USP38: variants seen among roughly 807,000 people sequenced by gnomAD.
USP38 encodes the protein ubiquitin carboxyl-terminal hydrolase 38.
USP38 carries 49 observed loss-of-function variants against 94.3 expected under a neutral mutation model. That is an observed-to-expected ratio of 0.52 (90% CI 0.41 to 0.66). USP38 has a LOEUF of 0.66. USP38 is among the 30% of genes least tolerant of loss of function. The pLI is 0.00. For missense variants in USP38, 1,128 were observed against 1,229.4 expected (o/e 0.92, Z 1.23); for synonymous variants, 468 against 463.6 (o/e 1.01, Z -0.12).
chr4:143,190,897 G>C (rs1731378440), intron 2 of USP38, among the ~76,000 whole-genome samples: 2 of 151,986 alleles, frequency 1.3e-5, no homozygotes, highest in Admixed American at 1.3e-4. Flanking sequence ...TTGGCATTCA[G>C]TGCTCTTAAT....
At chr4:143,200,382 T>C (rs974557557) in intron 4 of USP38, among the ~76,000 whole-genome samples, 1 of 152,188 alleles carries the variant, frequency 6.6e-6, no homozygotes, top group Non-Finnish European at 1.5e-5. Flanking sequence ...GGAACATGTC[T>C]GAAAATAATA....
At chr4:143,189,428 G>A (rs924270058) in intron 2 of USP38, among the ~76,000 whole-genome samples, 2 of 151,912 alleles carry the variant, frequency 1.3e-5, no homozygotes, top group Non-Finnish European at 2.9e-5. Context: ...GGACAAAATG[G>A]TTTCTGTGCC....
chr4:143,206,015 C>T lies in USP38; in HGVS notation c.1210-18C>T. 2.0e-6 allele frequency: 3 copies of T among 1,474,608 alleles called. No homozygotes were observed. Among genetic ancestry groups the T allele is most frequent in the Non-Finnish European group, 2.7e-6 (3 of 1,108,492 alleles). 91.3% of individuals were successfully genotyped at this position (1,474,608 alleles called of 1,614,324 possible). On this transcript the variant is annotated intron_variant, in intron 5 of 9. Coordinates refer to ENST00000307017, the MANE Select transcript of USP38 (RefSeq NM_032557.6). ...TTTACTTTACTTTTAAACTGTTTTTCTTCTTTATGACCTATAGGATTTTCC... is the reference window on the plus strand; with the variant it reads ...TTTACTTTACTTTTAAACTGTTTTTTTTCTTTATGACCTATAGGATTTTCC...
intron 4 of USP38, among the ~76,000 whole-genome samples, chr4:143,201,014 T>TA (rs908500061): frequency 1.3e-4 from 20 of 152,190 alleles, no homozygotes; most frequent in African/African-American, 4.1e-4. Context: ...TTCACAGAAC[T>TA]AAAAAAACAC....
intron 4 of USP38, among the ~76,000 whole-genome samples, chr4:143,200,943 C>T (rs181591347): frequency 7.9e-5 from 12 of 152,264 alleles, no homozygotes; most frequent in Non-Finnish European, 1.3e-4. Flanking sequence ...TTAAAATGGC[C>T]GTACTGCCCA....
In USP38 at chr4:143,200,475, G is replaced by A. The variant is rs1273845385; in HGVS notation, c.1050+2551G>A. ...GCATTCCCCTTGAAAACCAGCACAA[G>A]ACAAGGATGTCCTCTCTCACCACTC... is the stretch of plus-strand genomic sequence containing the variant. On this transcript the variant is annotated intron_variant, in intron 4 of 9. Transcript: ENST00000307017. 2.6e-5 allele frequency among the ~76,000 whole-genome samples: 4 copies of A among 152,218 alleles called. No homozygotes were observed. In the South Asian group the frequency reaches 8.3e-4, roughly 32 times the overall value.
At chr4:143,219,272 AAAAT>A (rs1257599014) in intron 9 of USP38, among the ~76,000 whole-genome samples, 4 of 152,078 alleles carry the variant, frequency 2.6e-5, no homozygotes, top group Non-Finnish European at 5.9e-5. Flanking sequence ...ATGCTACTGA[AAAAT>A]AAAGTATCTA....
At chr4:143,202,011 G>A (rs940394767) in intron 4 of USP38, among the ~76,000 whole-genome samples, 1 of 152,076 alleles carries the variant, frequency 6.6e-6, no homozygotes, top group South Asian at 2.1e-4. Context: ...TGACAGATTT[G>A]GAATTATAAA....
intron 2 of USP38, 119 bp from the exon 3 acceptor site, chr4:143,195,597 C>G: frequency 9.2e-7 from 1 of 1,091,896 alleles, no homozygotes; most frequent in Non-Finnish European, 1.2e-6. Context: ...GTGCTTTTCA[C>G]CAGCAAATTC....
chr4:143,220,471 A>G lies in USP38; in HGVS notation c.*15A>G. Reference sequence around the variant, plus strand: ...TCGTATTTTGATCCTGAGAGAGTCCAAAATGCACTGGTCACGAAACGTCTA... The same window carrying G: ...TCGTATTTTGATCCTGAGAGAGTCCGAAATGCACTGGTCACGAAACGTCTA... On this transcript the variant is annotated 3_prime_UTR_variant, in exon 10 of 10. Coordinates refer to ENST00000307017, the MANE Select transcript of USP38 (RefSeq NM_032557.6). 2 of 1,603,124 alleles carry G rather than the reference A, an allele frequency of 1.2e-6. No individual in the cohort carries two copies. Among genetic ancestry groups the G allele is most frequent in the Non-Finnish European group, 1.7e-6 (2 of 1,175,104 alleles).
rs1263883360 is a variant in USP38, at chr4:143,220,463, G to C, written c.*7G>C. 6.2e-7 allele frequency: 1 copy of C among 1,607,826 alleles called. No homozygotes were observed. The highest frequency in any genetic ancestry group is 1.3e-5 in the African/African-American group (1 of 74,508). The stretch of plus-strand genomic sequence containing the variant: ...TGGCAGACTCGTATTTTGATCCTGA[G>C]AGAGTCCAAAATGCACTGGTCACGA... On this transcript the variant is annotated 3_prime_UTR_variant, in exon 10 of 10. Coordinates refer to ENST00000307017, the MANE Select transcript of USP38 (RefSeq NM_032557.6).
chr4:143,207,228 A>G (rs1332154191), intron 6 of USP38, among the ~76,000 whole-genome samples: 1 of 152,222 alleles, frequency 6.6e-6, no homozygotes, highest in Non-Finnish European at 1.5e-5. Context: ...GCCTGCCCAG[A>G]GGAATCATAA....
intron 2 of USP38, among the ~76,000 whole-genome samples, chr4:143,194,601 AG>A (rs1731491176): frequency 6.6e-6 from 1 of 151,868 alleles, no homozygotes; most frequent in Non-Finnish European, 1.5e-5. Flanking sequence ...TCCGCCTCCC[AG>A]GTTCAAGCCA....
chr4:143,219,540 G>A (rs1732270927), intron 9 of USP38, among the ~76,000 whole-genome samples: 1 of 152,088 alleles, frequency 6.6e-6, no homozygotes, highest in African/African-American at 2.4e-5. Flanking sequence ...CAGGTATGCT[G>A]TGACCAGTAA....
chr4:143,186,050 C>T lies in USP38; in HGVS notation c.600C>T (p.Asn200=), dbSNP rs1484426017. The change falls in exon 1 of 10, where the codon AAC becomes AAT. Residue 200 remains asparagine (N), a synonymous_variant. Coordinates refer to ENST00000307017, the MANE Select transcript of USP38 (RefSeq NM_032557.6). ...EYVSQVTKVS[N]LLQNIWKAEP... is the part of the protein sequence containing the mutation. Reference sequence around the variant, plus strand: ...TCTCCCAGGTGACAAAAGTGAGTAACTTGCTGCAGAACATCTGGAAGGCCG... The same window carrying T: ...TCTCCCAGGTGACAAAAGTGAGTAATTTGCTGCAGAACATCTGGAAGGCCG... The T allele has an allele frequency of 2.5e-6, 4 of 1,614,190 alleles. No individual in the cohort carries two copies. Among genetic ancestry groups the T allele is most frequent in the Non-Finnish European group, 3.4e-6 (4 of 1,180,040 alleles).
chr4:143,196,556 T>C (rs1731554908), intron 3 of USP38, among the ~76,000 whole-genome samples: 1 of 152,166 alleles, frequency 6.6e-6, no homozygotes, highest in Admixed American at 6.5e-5. Flanking sequence ...TCTCCTGATT[T>C]TTGTCCTCCT....
chr4:143,202,891 A>G (rs1367916241), intron 4 of USP38, among the ~76,000 whole-genome samples: 3 of 152,146 alleles, frequency 2.0e-5, no homozygotes, highest in Non-Finnish European at 4.4e-5. Context: ...GTGCTTATCT[A>G]AAAGTAATCC....
In USP38 at chr4:143,185,367, C is replaced by T. The variant is rs928102314; in HGVS notation, c.-84C>T. On this transcript the variant is annotated 5_prime_UTR_variant, in exon 1 of 10. Coordinates refer to ENST00000307017, the MANE Select transcript of USP38 (RefSeq NM_032557.6). The stretch of plus-strand genomic sequence containing the variant: ...CTGCTGCGGCGCTCCAAGTTCATCT[C>T]CGCCCCGGGGCTCTCCTGCCCCACC... 2.8e-6 allele frequency: 4 copies of T among 1,448,304 alleles called. No homozygotes were observed. The highest frequency in any genetic ancestry group is 4.9e-5 in the Admixed American group (2 of 41,222). 89.7% of individuals were successfully genotyped at this position (1,448,304 alleles called of 1,614,324 possible).
intron 4 of USP38, 43 bp from the exon 5 acceptor site, chr4:143,203,365 A>G (rs754188554): frequency 6.4e-7 from 1 of 1,573,938 alleles, no homozygotes; most frequent in East Asian, 2.3e-5. Flanking sequence ...ATGTGTTACC[A>G]ATTTGTATAA....
Sources: gnomAD v4.1 joint callset for allele counts (sites outside exome capture counted in the v4.1 genomes callset) on GRCh38, gnomAD v4.1.1 for gene constraint, MANE v1.5 for transcripts, NCBI Gene and HGNC (gene_info 2026-07-23, HGNC 2026-07-21) for gene names.